ZCWPW1: variants seen among roughly 807,000 people sequenced by gnomAD.
The protein encoded by ZCWPW1 is zinc finger CW-type PWWP domain protein 1.
In ZCWPW1, 56 loss-of-function variants were observed where a neutral mutation model predicts 81.3. The observed-to-expected ratio is 0.69, with a 90% CI of 0.56 to 0.86. The LOEUF (loss-of-function observed/expected upper bound fraction) is 0.86, where lower values mean the gene tolerates loss of function less well. ZCWPW1 is among the 40% of genes least tolerant of loss of function. The probability of loss-of-function intolerance (pLI) is 0.00; values close to 1 mark genes in which losing one functional copy is unlikely to be tolerated. For missense variants in ZCWPW1, 650 were observed against 769.8 expected, an observed-to-expected ratio of 0.84 and a Z score of 1.84; for synonymous variants, 250 against 273.7, an observed-to-expected ratio of 0.91 and a Z score of 0.86.
intron 4 of ZCWPW1, 52 bp from the exon 5 acceptor site, chr7:100,419,241 C>A: frequency 6.6e-7 from 1 of 1,525,008 alleles, no homozygotes. Context: ...CATAGTTTTC[C>A]CCTCTGAACA....
chr7:100,414,957 G>A (rs1316263796), intron 8 of ZCWPW1, among the ~76,000 whole-genome samples: 2 of 151,042 alleles, frequency 1.3e-5, no homozygotes, highest in Admixed American at 6.6e-5. Context: ...CCCGGGAGGA[G>A]AAGGTTGCAG....
intron 2 of ZCWPW1, among the ~76,000 whole-genome samples, chr7:100,421,283 T>C (rs527976993): frequency 1.5e-4 from 23 of 152,254 alleles, no homozygotes; most frequent in African/African-American, 4.8e-4. Flanking sequence ...GCATAGGTGG[T>C]AGTAGAGCAG....
At position 100,409,456 on chromosome 7, in the gene ZCWPW1, T is replaced by C. The variant is rs1219942498; in HGVS notation, c.843A>G (p.Pro281=). 1.2e-6 allele frequency: 2 copies of C among 1,614,122 alleles called. No homozygotes were observed. Among genetic ancestry groups the C allele is most frequent in the Non-Finnish European group, 1.7e-6 (2 of 1,179,964 alleles). Residue 281 remains proline, a synonymous_variant, in exon 9 of 18, where the codon CCA becomes CCG. Transcript: ENST00000684423. ...TGTTCTGATCACAGGACCAATTATC[T>C]GGGAGAACTGAGGGGTCAATGTTCC... is the stretch of plus-strand genomic sequence containing the variant. ...LCGNIDPSVL[P]DNWSCDQNTD...
chr7:100,404,591 C>G (rs1239192052), intron 13 of ZCWPW1, among the ~76,000 whole-genome samples: 2 of 152,232 alleles, frequency 1.3e-5, no homozygotes, highest in African/African-American at 4.8e-5. Flanking sequence ...AACTCCTGGA[C>G]TCAATGGATA....
chr7:100,405,353 G>C (rs1017939007), intron 12 of ZCWPW1, among the ~76,000 whole-genome samples: 1 of 151,870 alleles, frequency 6.6e-6, no homozygotes, highest in Non-Finnish European at 1.5e-5. Context: ...CTTGAACCCA[G>C]GAGGCAGAGG....
chr7:100,420,080 A>G (rs2130808231), intron 3 of ZCWPW1, among the ~76,000 whole-genome samples, 197 bp from the exon 4 acceptor site: 1 of 152,302 alleles, frequency 6.6e-6, no homozygotes, highest in Middle Eastern at 3.4e-3. Context: ...GAGGCCTAGC[A>G]ATCTGTAATT....
At chr7:100,419,067 T>C in intron 5 of ZCWPW1, 44 bp downstream of exon 5, 1 of 1,522,582 alleles carries the variant, frequency 6.6e-7, no homozygotes, top group Non-Finnish European at 9.1e-7. Context: ...CAGGTAACAG[T>C]CACTGCTTAA....
intron 12 of ZCWPW1, among the ~76,000 whole-genome samples, chr7:100,405,877 G>A (rs978900397): frequency 1.3e-5 from 2 of 152,168 alleles, no homozygotes; most frequent in Admixed American, 1.3e-4. Context: ...TGCCCACCTC[G>A]GCCTCCCAAA....
At chr7:100,415,224 A>G (rs1334155232) in intron 8 of ZCWPW1, among the ~76,000 whole-genome samples, 1 of 151,186 alleles carries the variant, frequency 6.6e-6, no homozygotes, top group East Asian at 2.0e-4. Context: ...CTGAGACTAC[A>G]GGCGCATGCC....
At chr7:100,403,588 C>G in intron 15 of ZCWPW1, 106 bp downstream of exon 15, 1 of 892,588 alleles carries the variant, frequency 1.1e-6, no homozygotes, top group Non-Finnish European at 1.6e-6. Context: ...CTTTGGAAGG[C>G]TGAGGTGGGA....
Position 100,419,628 on chromosome 7 carries a change from A to AC in ZCWPW1, c.282+1dup. On this transcript the variant is annotated splice_donor_variant, in intron 4 of 17. Transcript: ENST00000684423. LOFTEE classifies it high-confidence loss of function. The stretch of plus-strand genomic sequence containing the variant: ...ACCAGAGCCCACCACTATGACTGGT[A>AC]CCTTTTCTTTCTTCTCTGCTTGCTT... 2 of 1,608,582 alleles carry AC rather than the reference A, an allele frequency of 1.2e-6. No individual in the cohort carries two copies. The highest frequency in any genetic ancestry group is 1.7e-6 in the Non-Finnish European group (2 of 1,178,118).
Position 100,417,148 on chromosome 7 carries a change from A to G in ZCWPW1, c.397T>C (p.Cys133Arg), listed in dbSNP as rs750722460. 6.2e-7 allele frequency: 1 copy of G among 1,614,026 alleles called. No individual in the cohort carries two copies. The highest frequency in any genetic ancestry group is 8.5e-7 in the Non-Finnish European group (1 of 1,179,968). ...GSGLDFAETS[C>R]AQPVVSTQSD... ...TGGGTAGATACTACGGGCTGGGCACAAGAAGTCTCTGCAAAATCAAGGCCA... is the reference window on the plus strand; with the variant it reads ...TGGGTAGATACTACGGGCTGGGCACGAGAAGTCTCTGCAAAATCAAGGCCA... The change falls in exon 6 of 18, where the codon TGT (cysteine) becomes CGT (arginine). Residue 133 changes from cysteine (C) to arginine (R), a missense_variant. Physicochemically the swap from Cys to Arg is radical, Grantham distance 180. Coordinates refer to ENST00000684423, the MANE Select transcript of ZCWPW1 (RefSeq NM_001386010.1).
chr7:100,418,909 A>C (rs569462582), intron 5 of ZCWPW1: 3 of 376,686 alleles, frequency 8.0e-6, no homozygotes, highest in African/African-American at 4.2e-5. Flanking sequence ...TTTTCTAAAA[A>C]TATGTACCCT....
chr7:100,401,794 T>G, intron 17 of ZCWPW1, 95 bp downstream of exon 17: 3 of 1,468,202 alleles, frequency 2.0e-6, no homozygotes, highest in Non-Finnish European at 2.8e-6. Context: ...TGTAAAGTAA[T>G]GAAAAGCTGT....
At chr7:100,419,585 G>T in intron 4 of ZCWPW1, 45 bp downstream of exon 4, 1 of 1,567,058 alleles carries the variant, frequency 6.4e-7, no homozygotes, top group Non-Finnish European at 8.6e-7. Context: ...CCAGGGGTAA[G>T]GTATGAGAAA....
In ZCWPW1 at chr7:100,400,998, A is replaced by T; in HGVS notation, c.*16T>A. On this transcript the variant is annotated 3_prime_UTR_variant, in exon 18 of 18. Transcript: ENST00000684423. ...CCCCAGAGAAGGGAGAAAAAGAGGG[A>T]GCAGAGGAGCACCAGCTACTTCCCA... is the stretch of plus-strand genomic sequence containing the variant. 1 of 1,590,768 alleles carries T rather than the reference A, an allele frequency of 6.3e-7. No individual in the cohort carries two copies. The highest frequency in any genetic ancestry group is 2.2e-5 in the East Asian group (1 of 44,580).
At position 100,417,096 on chromosome 7, in the gene ZCWPW1, G is replaced by A. The variant is rs762565516; in HGVS notation, c.449C>T (p.Ala150Val). 1.9e-6 allele frequency: 3 copies of A among 1,614,086 alleles called. No homozygotes were observed. The highest frequency in any genetic ancestry group is 8.5e-7 in the Non-Finnish European group (1 of 1,179,994). Reference sequence around the variant, plus strand: ...AGCATTATCAGTATCAGTAGCAGAAGCAGTAATTCCTGGCTCCTTGTCTGA... The same window carrying A: ...AGCATTATCAGTATCAGTAGCAGAAACAGTAATTCCTGGCTCCTTGTCTGA... ...TQSDKEPGIT[A>V]SATDTDNANG... is the part of the protein sequence containing the mutation. Residue 150 changes from alanine (A) to valine (V), a missense_variant, in exon 6 of 18, where the codon GCT becomes GTT. Transcript: ENST00000684423.
Position 100,428,568 on chromosome 7 carries a change from C to T in ZCWPW1, c.-137G>A, listed in dbSNP as rs1315614244. The T allele has an allele frequency of 6.5e-6, 1 of 152,704 alleles. No individual in the cohort carries two copies. Among genetic ancestry groups the T allele is most frequent in the Non-Finnish European group, 1.5e-5 (1 of 68,426 alleles). The allele number at this position is 152,704 out of a possible 1,614,324, so 9.5% of individuals were successfully genotyped here. A position where few individuals can be genotyped will look rare whatever the true frequency, so the allele number is the denominator to read the frequency against. The stretch of plus-strand genomic sequence containing the variant: ...CTGCTGGTCTCCTTCACGCCCTCAC[C>T]TTAGGATTTTGAGACTCTCCTGGAC... On this transcript the variant is annotated splice_region_variant and 5_prime_UTR_variant, in exon 1 of 18. Transcript: ENST00000684423.
At chr7:100,409,287 C>G in intron 9 of ZCWPW1, 141 bp downstream of exon 9, 2 of 649,264 alleles carry the variant, frequency 3.1e-6, no homozygotes, top group Non-Finnish European at 5.2e-6. Flanking sequence ...ATATGAGAGG[C>G]AGATCCTTCC....
Sources: gnomAD v4.1 joint callset for allele counts (sites outside exome capture counted in the v4.1 genomes callset) on GRCh38, gnomAD v4.1.1 for gene constraint, MANE v1.5 for transcripts, NCBI Gene and HGNC (gene_info 2026-07-23, HGNC 2026-07-21) for gene names.